Variants in MEF2C observed in about 807,000 individuals in gnomAD.
MEF2C encodes the protein myocyte-specific enhancer factor 2C.
In MEF2C, 6 loss-of-function variants were observed where a neutral mutation model predicts 50.5. The ratio of observed to expected loss-of-function variants is 0.12; its 90% confidence interval spans 0.07 to 0.23. The LOEUF (loss-of-function observed/expected upper bound fraction) is 0.23. Ranked by LOEUF, MEF2C falls within the 10% of genes least tolerant of loss-of-function variation. The pLI is 1.00. For synonymous variants in MEF2C, 183 were observed against 228.0 expected (o/e 0.80, Z 1.78); for missense variants, 276 against 605.0 (o/e 0.46, Z 5.70).
In MEF2C at chr5:88,718,991, C is replaced by T. The variant is rs1389597699; in HGVS notation, c.*3613G>A. Reference sequence around the variant, plus strand: ...ACAGATGAAGTATGCCATGCTTAGGCAACAGCCTTTATTGAGGGTTCAAGT... The same window carrying T: ...ACAGATGAAGTATGCCATGCTTAGGTAACAGCCTTTATTGAGGGTTCAAGT... On this transcript the variant is annotated 3_prime_UTR_variant, in exon 11 of 11. Coordinates refer to ENST00000504921, the MANE Select transcript of MEF2C (RefSeq NM_002397.5). 6.6e-6 allele frequency: 1 copy of T among 152,124 alleles called. No homozygotes were observed. Among genetic ancestry groups the T allele is most frequent in the Non-Finnish European group, 1.5e-5 (1 of 68,004 alleles). 9.4% of individuals were successfully genotyped at this position (152,124 alleles called of 1,614,324 possible). A position where few individuals can be genotyped will look rare whatever the true frequency, so the allele number is the denominator to read the frequency against.
At chr5:88,803,308 C>G (rs1185474130) in intron 3 of MEF2C, among the ~76,000 whole-genome samples, 7 of 152,016 alleles carry the variant, frequency 4.6e-5, no homozygotes, top group African/African-American at 1.7e-4. Flanking sequence ...CTCGTTAAGG[C>G]AAAAATAAAA....
intron 6 of MEF2C, chr5:88,741,172 G>T (rs1450005933): frequency 2.0e-6 from 2 of 985,190 alleles, no homozygotes; most frequent in African/African-American, 1.7e-5. Context: ...CTACTGGTGT[G>T]CTCCCTTCAC....
At chr5:88,804,845 G>A (rs1799724204) in intron 2 of MEF2C, 44 bp from the exon 3 acceptor site, 2 of 1,512,146 alleles carry the variant, frequency 1.3e-6, no homozygotes, top group Non-Finnish European at 1.8e-6. Context: ...AAATATTCAT[G>A]CATGTGTGGT....
intron 1 of MEF2C, among the ~76,000 whole-genome samples, chr5:88,865,709 C>T (rs1827069819): frequency 6.6e-6 from 1 of 152,234 alleles, no homozygotes; most frequent in East Asian, 1.9e-4. Flanking sequence ...TAACTGGCCT[C>T]AGTGGTTTTG....
At chr5:88,782,480 A>T (rs974429809) in intron 3 of MEF2C, among the ~76,000 whole-genome samples, 18 of 150,426 alleles carry the variant, frequency 1.2e-4, no homozygotes, top group African/African-American at 3.9e-4. Context: ...AAAAAAAAAT[A>T]AAAACAAGCA....
intron 1 of MEF2C, among the ~76,000 whole-genome samples, chr5:88,871,554 G>C (rs1040834633): frequency 6.6e-5 from 10 of 151,914 alleles, no homozygotes; most frequent in African/African-American, 2.4e-4. Flanking sequence ...TCAAAAGCAT[G>C]ATAACAATTT....
rs1289253902 is a variant in MEF2C at position 88,743,160 on chromosome 5, T to C, written c.637+5910A>G. ...TATTTTAAAAATAATATAAAAATTA[T>C]ATCTTTATACTAACAATTAGTTTTC... On this transcript the variant is annotated intron_variant, in intron 6 of 10. Transcript: ENST00000504921. 4.4e-6 allele frequency: 4 copies of C among 908,848 alleles called. No individual in the cohort carries two copies. The African/African-American group carries it at 5.4e-5, about 12-fold the overall frequency. 56.3% of individuals were successfully genotyped at this position (908,848 alleles called of 1,614,324 possible). A position where few individuals can be genotyped will look rare whatever the true frequency, so the allele number is the denominator to read the frequency against.
intron 6 of MEF2C, chr5:88,740,025 G>C (rs1007805937): frequency 1.0e-5 from 10 of 985,084 alleles, no homozygotes; most frequent in Non-Finnish European, 2.4e-6. Flanking sequence ...GCATTTTGTG[G>C]TATATTCTTA....
At chr5:88,759,033 T>C (rs1776655918) in intron 4 of MEF2C, among the ~76,000 whole-genome samples, 1 of 152,244 alleles carries the variant, frequency 6.6e-6, no homozygotes, top group African/African-American at 2.4e-5. Flanking sequence ...CAGTACTGCA[T>C]ACATCTGTCT....
intron 3 of MEF2C, among the ~76,000 whole-genome samples, chr5:88,782,710 A>G (rs1205158380): frequency 6.6e-6 from 1 of 152,220 alleles, no homozygotes; most frequent in Non-Finnish European, 1.5e-5. Context: ...ACACATATAC[A>G]TACTTACAAA....
intron 3 of MEF2C, among the ~76,000 whole-genome samples, chr5:88,786,512 T>C (rs1562026120): frequency 1.3e-5 from 2 of 152,200 alleles, no homozygotes; most frequent in South Asian, 2.1e-4. Flanking sequence ...GGGATGCAAC[T>C]TTAAGGTTGA....
At chr5:88,870,895 T>C (rs1439948703) in intron 1 of MEF2C, among the ~76,000 whole-genome samples, 2 of 152,122 alleles carry the variant, frequency 1.3e-5, no homozygotes, top group East Asian at 1.9e-4. Context: ...GGGTATTGTA[T>C]TGACAAGTGC....
chr5:88,870,870 G>GC, intron 1 of MEF2C, among the ~76,000 whole-genome samples: 1 of 152,076 alleles, frequency 6.6e-6, no homozygotes, highest in Admixed American at 6.6e-5. Context: ...TCTGGGGTAA[G>GC]TTTTTGAATT....
intron 3 of MEF2C, among the ~76,000 whole-genome samples, chr5:88,800,422 A>G (rs1259583907): frequency 6.6e-6 from 1 of 152,202 alleles, no homozygotes; most frequent in Non-Finnish European, 1.5e-5. Flanking sequence ...ATCCTTAACA[A>G]GAATGCCTGT....
chr5:88,761,023 C>A lies in MEF2C; in HGVS notation c.402+162G>T, dbSNP rs760326496. ...TGACTCTTGATCATATTATCAAATT[C>A]TTCATTAATTTTTTTGTATTTTTCT... is the stretch of plus-strand genomic sequence containing the variant. On this transcript the variant is annotated intron_variant, in intron 4 of 10. Coordinates refer to ENST00000504921, the MANE Select transcript of MEF2C (RefSeq NM_002397.5). 2.2e-5 allele frequency: 35 copies of A among 1,610,986 alleles called. No individual in the cohort carries two copies. The highest frequency in any genetic ancestry group is 2.9e-5 in the Non-Finnish European group (34 of 1,179,276).
chr5:88,832,838 A>G (rs1470786495), intron 1 of MEF2C, among the ~76,000 whole-genome samples: 1 of 152,142 alleles, frequency 6.6e-6, no homozygotes, highest in Non-Finnish European at 1.5e-5. Context: ...TATATATGCT[A>G]ATTATGGCTA....
At chr5:88,762,738 C>T (rs1396438072) in intron 3 of MEF2C, among the ~76,000 whole-genome samples, 2 of 152,160 alleles carry the variant, frequency 1.3e-5, no homozygotes, top group East Asian at 3.9e-4. Context: ...CCTGGTACCA[C>T]CAAGATCCGT....
intron 3 of MEF2C, 125 bp downstream of exon 3, chr5:88,804,473 G>T: frequency 2.6e-6 from 2 of 769,316 alleles, no homozygotes; most frequent in South Asian, 2.0e-5. Context: ...ATAATCCTGG[G>T]TCTATCTATG....
intron 1 of MEF2C, among the ~76,000 whole-genome samples, chr5:88,830,286 C>A (rs1204723540): frequency 6.6e-6 from 1 of 151,984 alleles, no homozygotes; most frequent in Admixed American, 6.6e-5. Flanking sequence ...ACTTTAATAT[C>A]TTTCCCCAAG....
Sources: gnomAD v4.1 joint callset for allele counts (sites outside exome capture counted in the v4.1 genomes callset) on GRCh38, gnomAD v4.1.1 for gene constraint, MANE v1.5 for transcripts, NCBI Gene and HGNC (gene_info 2026-07-23, HGNC 2026-07-21) for gene names.